FMN1: variants seen among roughly 807,000 people sequenced by gnomAD.
The protein encoded by FMN1 is formin-1.
FMN1 carries 110 observed loss-of-function variants against 132.4 expected under a neutral mutation model. The ratio of observed to expected loss-of-function variants is 0.83; its 90% CI spans 0.71 to 0.97. The LOEUF (loss-of-function observed/expected upper bound fraction) is 0.97. FMN1 is among the 50% of genes least tolerant of loss of function. The probability of loss-of-function intolerance (pLI) is 0.00; values close to 1 mark genes in which losing one functional copy is unlikely to be tolerated. For synonymous variants in FMN1, 722 were observed against 651.7 expected, an observed-to-expected ratio of 1.11 and a Z score of -1.64; for missense variants, 1,792 against 1,705.3, an observed-to-expected ratio of 1.05 and a Z score of -0.90.
chr15:32,943,338 A>T (rs920554354), intron 9 of FMN1, among the ~76,000 whole-genome samples: 1 of 152,220 alleles, frequency 6.6e-6, no homozygotes, highest in Non-Finnish European at 1.5e-5. Context: ...TAAAAAATAC[A>T]ACTTCTATTT....
chr15:33,167,066 T>C (rs568789574), intron 3 of FMN1, among the ~76,000 whole-genome samples: 38 of 152,162 alleles, frequency 2.5e-4, no homozygotes, highest in Non-Finnish European at 5.0e-4. Context: ...AGTAGATTCA[T>C]ACTTGGTTAA....
intron 6 of FMN1, among the ~76,000 whole-genome samples, chr15:33,034,169 A>G (rs2036081592): frequency 6.6e-6 from 1 of 152,158 alleles, no homozygotes; most frequent in Non-Finnish European, 1.5e-5. Context: ...TCTGCTCAAC[A>G]CTTCCTCATA....
chr15:33,162,735 T>G (rs1337031656), intron 3 of FMN1, among the ~76,000 whole-genome samples: 1 of 152,178 alleles, frequency 6.6e-6, no homozygotes, highest in Non-Finnish European at 1.5e-5. Flanking sequence ...CAGAACAGAT[T>G]GGAGTAGAAA....
chr15:32,850,228 G>T (rs1001818352), intron 17 of FMN1, among the ~76,000 whole-genome samples: 1 of 151,666 alleles, frequency 6.6e-6, no homozygotes, highest in Non-Finnish European at 1.5e-5. Flanking sequence ...GACCTTTCCT[G>T]ATCTCTGTAA....
rs1452313170 is a variant in FMN1 at position 32,772,173 on chromosome 15, C to G, written c.*2137G>C. The stretch of plus-strand genomic sequence containing the variant: ...AACTCTCAAATTAAGTGTTCTCACT[C>G]ATTATTCTTCAGCACTGGTTCCTGA... On this transcript the variant is annotated 3_prime_UTR_variant, in exon 21 of 21. Transcript: ENST00000616417. 3.3e-5 allele frequency: 5 copies of G among 152,212 alleles called. No individual in the cohort carries two copies. Among genetic ancestry groups the G allele is most frequent in the Non-Finnish European group, 5.9e-5 (4 of 68,048 alleles). The allele number at this position is 152,212 out of a possible 1,614,324, so 9.4% of individuals were successfully genotyped here.
intron 5 of FMN1, among the ~76,000 whole-genome samples, chr15:33,082,020 G>GGTGT (rs57369569): frequency 0.055 from 6,521 of 117,734 alleles, 195 homozygotes; most frequent in Non-Finnish European, 0.078. Flanking sequence ...AGAGTTCAGG[G>GGTGT]GTGTGTGTGT....
intron 17 of FMN1, among the ~76,000 whole-genome samples, chr15:32,843,618 T>C (rs1242078529): frequency 6.6e-6 from 1 of 152,346 alleles, no homozygotes; most frequent in Non-Finnish European, 1.5e-5. Flanking sequence ...TATATTACAA[T>C]TACTCACGCC....
At chr15:33,003,842 A>G (rs1215028376) in intron 7 of FMN1, among the ~76,000 whole-genome samples, 2 of 152,348 alleles carry the variant, frequency 1.3e-5, no homozygotes, top group African/African-American at 4.8e-5. Flanking sequence ...GTACCAAAAC[A>G]GAGATATAGA....
intron 4 of FMN1, among the ~76,000 whole-genome samples, chr15:33,114,668 C>G (rs776272906): frequency 6.6e-6 from 1 of 152,170 alleles, no homozygotes; most frequent in Non-Finnish European, 1.5e-5. Flanking sequence ...TTGGAGAGAG[C>G]CTGTGGGTAA....
At chr15:32,916,533 T>C (rs1264685191) in intron 10 of FMN1, among the ~76,000 whole-genome samples, 1 of 152,196 alleles carries the variant, frequency 6.6e-6, no homozygotes, top group Non-Finnish European at 1.5e-5. Flanking sequence ...TCATCCGAAG[T>C]GTGGGAGATG....
chr15:32,809,923 T>A (rs1469372017), intron 17 of FMN1, among the ~76,000 whole-genome samples: 1 of 150,154 alleles, frequency 6.7e-6, no homozygotes, highest in African/African-American at 2.4e-5. Context: ...AAATACTTAT[T>A]TTTTTTTTTC....
rs1394675168 is a variant in FMN1, at chr15:32,995,548, G to C, written c.2223+12466C>G. Among the ~76,000 whole-genome samples the C allele has an allele frequency of 2.6e-5, 4 of 152,136 alleles. No homozygotes were observed. The East Asian group carries it at 7.7e-4, about 29-fold the overall frequency. On this transcript the variant is annotated intron_variant, in intron 7 of 20. Coordinates refer to ENST00000616417, the MANE Select transcript of FMN1 (RefSeq NM_001277313.2). ...ATCCATGGTAAATGCTAAGTGTAGT[G>C]TCTGGCATATAGCAATATGCAACAA...
At chr15:33,119,616 C>T (rs746103428) in intron 4 of FMN1, among the ~76,000 whole-genome samples, 1 of 152,178 alleles carries the variant, frequency 6.6e-6, no homozygotes, top group Non-Finnish European at 1.5e-5. Context: ...CTTTTATTTT[C>T]TTTCTCTTTC....
At chr15:33,006,050 G>A (rs2034399397) in intron 7 of FMN1, among the ~76,000 whole-genome samples, 1 of 152,080 alleles carries the variant, frequency 6.6e-6, no homozygotes, top group Admixed American at 6.6e-5. Context: ...ATAATTTTCT[G>A]CTACTTGCAA....
intron 20 of FMN1, among the ~76,000 whole-genome samples, chr15:32,775,670 T>C (rs1485557258): frequency 6.6e-6 from 1 of 152,192 alleles, no homozygotes; most frequent in East Asian, 1.9e-4. Flanking sequence ...CCAAAAAGTA[T>C]AGCCCGGACT....
intron 17 of FMN1, among the ~76,000 whole-genome samples, chr15:32,852,623 T>C (rs138931015): frequency 7.9e-5 from 12 of 152,340 alleles, no homozygotes; most frequent in Non-Finnish European, 1.3e-4. Context: ...TACCTCGGCT[T>C]TGCCATTGCT....
chr15:33,043,876 A>G (rs2619178), intron 6 of FMN1, among the ~76,000 whole-genome samples: 88,584 of 151,952 alleles, frequency 0.58, 26,136 homozygotes, highest in Admixed American at 0.64. Context: ...AAGCAGACAA[A>G]AGCCCCGCCC....
intron 7 of FMN1, among the ~76,000 whole-genome samples, chr15:32,999,600 G>C (rs1309040931): frequency 6.6e-6 from 1 of 152,192 alleles, no homozygotes; most frequent in Non-Finnish European, 1.5e-5. Context: ...GCCTGCCAGA[G>C]GCCATCGCTC....
chr15:33,000,537 G>T (rs573583775), intron 7 of FMN1, among the ~76,000 whole-genome samples: 81 of 152,028 alleles, frequency 5.3e-4, no homozygotes, highest in African/African-American at 1.9e-3. Context: ...AACATTTGGA[G>T]AGAGAGGCTG....
Sources: gnomAD v4.1 joint callset for allele counts (sites outside exome capture counted in the v4.1 genomes callset) on GRCh38, gnomAD v4.1.1 for gene constraint, MANE v1.5 for transcripts, NCBI Gene and HGNC (gene_info 2026-07-23, HGNC 2026-07-21) for gene names.